Variants in SIRT5 observed in about 807,000 individuals in gnomAD.
SIRT5 encodes NAD-dependent protein deacylase sirtuin-5, mitochondrial.
In SIRT5, 26 loss-of-function variants were observed where a neutral mutation model predicts 40.0. That is an observed-to-expected ratio of 0.65 (90% CI 0.48 to 0.90). The LOEUF (loss-of-function observed/expected upper bound fraction) is 0.90, where lower values mean the gene tolerates loss of function less well. Ranked by LOEUF, SIRT5 falls within the 40% of genes least tolerant of loss-of-function variation. The pLI is 0.00. For missense variants in SIRT5, 401 were observed against 402.4 expected (o/e 1.00, Z 0.03); for synonymous variants, 146 against 149.1 (o/e 0.98, Z 0.15).
At position 13,611,970 on chromosome 6, in the gene SIRT5, T is replaced by C; in HGVS notation, c.*105T>C. The C allele has an allele frequency of 9.5e-7, 1 of 1,051,106 alleles. No homozygotes were observed. The highest frequency in any genetic ancestry group is 2.4e-5 in the East Asian group (1 of 41,006). 65.1% of individuals were successfully genotyped at this position (1,051,106 alleles called of 1,614,324 possible). On this transcript the variant is annotated 3_prime_UTR_variant, in exon 10 of 10. Coordinates refer to ENST00000606117, the MANE Select transcript of SIRT5 (RefSeq NM_012241.5). ...AGCTGAGTACTGAACAATCTAAAAATAGCCTCTGATTCCCTCGCTGGAATC... is the reference window on the plus strand; with the variant it reads ...AGCTGAGTACTGAACAATCTAAAAACAGCCTCTGATTCCCTCGCTGGAATC...
intron 3 of SIRT5, among the ~76,000 whole-genome samples, chr6:13,585,797 A>G (rs1404721743): frequency 6.6e-6 from 1 of 152,202 alleles, no homozygotes; most frequent in Non-Finnish European, 1.5e-5. Flanking sequence ...TTCTAGTTCT[A>G]GATCCTTGGG....
At chr6:13,611,168 T>C (rs2127743907) in intron 9 of SIRT5, among the ~76,000 whole-genome samples, 1 of 147,542 alleles carries the variant, frequency 6.8e-6, no homozygotes, top group East Asian at 2.0e-4. Flanking sequence ...TTCTCAGTAC[T>C]ACCTGTGAAT....
chr6:13,602,952 G>A (rs1486536984), intron 9 of SIRT5, among the ~76,000 whole-genome samples: 2 of 152,172 alleles, frequency 1.3e-5, no homozygotes, highest in Non-Finnish European at 2.9e-5. Flanking sequence ...TAAAACTTCT[G>A]TATTCCAATG....
At chr6:13,605,388 C>A in intron 9 of SIRT5, 1 of 985,170 alleles carries the variant, frequency 1.0e-6, no homozygotes. Flanking sequence ...GTTTTCTAAC[C>A]CCTGCTCTAG....
At chr6:13,578,980 G>C (rs1046824141) in intron 1 of SIRT5, among the ~76,000 whole-genome samples, 2 of 152,068 alleles carry the variant, frequency 1.3e-5, no homozygotes, top group East Asian at 3.9e-4. Flanking sequence ...TTCCCACCTG[G>C]AAGATAAAAT....
At chr6:13,583,387 G>A (rs1759630792) in intron 2 of SIRT5, among the ~76,000 whole-genome samples, 1 of 145,350 alleles carries the variant, frequency 6.9e-6, no homozygotes, top group Non-Finnish European at 1.5e-5. Context: ...CTCTGCCTCC[G>A]GGGTTCAAGT....
In SIRT5 at chr6:13,582,414, A is replaced by G. The variant is rs537750421; in HGVS notation, c.-35-1662A>G. On this transcript the variant is annotated intron_variant, in intron 2 of 9. Coordinates refer to ENST00000606117, the MANE Select transcript of SIRT5 (RefSeq NM_012241.5). ...CATTATTAAGGGTACAGTTCAGTCT[A>G]TTCGCATTGTTGTGTAGCTAATCCC... Among the ~76,000 whole-genome samples, 11 of 152,298 alleles carry G rather than the reference A, an allele frequency of 7.2e-5. No individual in the cohort carries two copies. In the East Asian group the frequency reaches 1.2e-3, roughly 16 times the overall value.
rs1764090479 is a variant in SIRT5 at position 13,613,236 on chromosome 6, A to G, written c.*1371A>G. The G allele has an allele frequency of 6.6e-6, 1 of 152,284 alleles. No homozygotes were observed. Among genetic ancestry groups the G allele is most frequent in the Admixed American group, 6.5e-5 (1 of 15,286 alleles). The allele number at this position is 152,284 out of a possible 1,614,324, so 9.4% of individuals were successfully genotyped here. A position where few individuals can be genotyped will look rare whatever the true frequency, so the allele number is the denominator to read the frequency against. On this transcript the variant is annotated 3_prime_UTR_variant, in exon 10 of 10. Transcript: ENST00000606117. ...GTTATTGCTGTCAGATGCATCTGCCATACAGGGTCATTCTCAGGGGATGCT... is the reference window on the plus strand; with the variant it reads ...GTTATTGCTGTCAGATGCATCTGCCGTACAGGGTCATTCTCAGGGGATGCT...
At chr6:13,584,356 C>G (rs1475744283) in intron 3 of SIRT5, 131 bp downstream of exon 3, 1 of 675,008 alleles carries the variant, frequency 1.5e-6, no homozygotes, top group Non-Finnish European at 2.6e-6. Context: ...CTGTCATCTT[C>G]TCTTTTTTTT....
chr6:13,579,125 C>T (rs1357169819), intron 1 of SIRT5, among the ~76,000 whole-genome samples: 1 of 152,176 alleles, frequency 6.6e-6, no homozygotes. Context: ...AAACTAGAAC[C>T]ACTGCCTGCC....
intron 9 of SIRT5, among the ~76,000 whole-genome samples, chr6:13,603,218 A>G (rs1477686783): frequency 6.7e-6 from 1 of 148,268 alleles, no homozygotes; most frequent in African/African-American, 2.5e-5. Flanking sequence ...TGGAGCTTGC[A>G]GTGAGCCGAG....
chr6:13,589,905 A>G (rs1342191597), intron 4 of SIRT5, among the ~76,000 whole-genome samples: 1 of 152,002 alleles, frequency 6.6e-6, no homozygotes, highest in African/African-American at 2.4e-5. Context: ...TGACTCCAAC[A>G]CCCTTCCAGG....
intron 9 of SIRT5, among the ~76,000 whole-genome samples, chr6:13,606,977 T>G (rs940758851): frequency 1.3e-5 from 2 of 151,150 alleles, no homozygotes; most frequent in Non-Finnish European, 2.9e-5. Flanking sequence ...CCAACACACT[T>G]GGCCTGCTTT....
chr6:13,580,227 G>A (rs573591108), intron 2 of SIRT5, among the ~76,000 whole-genome samples: 1 of 152,176 alleles, frequency 6.6e-6, no homozygotes, highest in Non-Finnish European at 1.5e-5. Flanking sequence ...CTCTTTTTGA[G>A]TGTCAATCTT....
rs114518963 is a variant in SIRT5, at chr6:13,612,936, G to C, written c.*1071G>C. The stretch of plus-strand genomic sequence containing the variant: ...GTTCCCAGATGCTGAACTCTGCTGG[G>C]AGTTTTTTCCATGGGACTTTAAAAA... On this transcript the variant is annotated 3_prime_UTR_variant, in exon 10 of 10. Transcript: ENST00000606117. 689 of 152,296 alleles carry C rather than the reference G, an allele frequency of 4.5e-3. 5 individuals carry two copies. Among genetic ancestry groups the C allele is most frequent in the African/African-American group, 0.016 (644 of 41,534 alleles). 9.4% of individuals were successfully genotyped at this position (152,296 alleles called of 1,614,324 possible).
intron 5 of SIRT5, among the ~76,000 whole-genome samples, chr6:13,592,443 C>T (rs1014381436): frequency 2.0e-5 from 3 of 152,192 alleles, no homozygotes; most frequent in Non-Finnish European, 4.4e-5. Flanking sequence ...CCTGTCACTC[C>T]CCCTTCATCC....
chr6:13,589,012 G>T (rs537681860), intron 4 of SIRT5: 3 of 152,862 alleles, frequency 2.0e-5, no homozygotes, highest in African/African-American at 7.2e-5. Flanking sequence ...GGACATAGTT[G>T]TATAGCCAGC....
intron 7 of SIRT5, among the ~76,000 whole-genome samples, chr6:13,597,569 G>A (rs960574142): frequency 6.6e-6 from 1 of 150,456 alleles, no homozygotes; most frequent in South Asian, 2.1e-4. Flanking sequence ...TTTTTGAGAT[G>A]GAATCTCACT....
At chr6:13,588,242 C>G in intron 3 of SIRT5, 89 bp from the exon 4 acceptor site, 1 of 1,464,190 alleles carries the variant, frequency 6.8e-7, no homozygotes, top group Non-Finnish European at 9.3e-7. Flanking sequence ...TAACTTCACA[C>G]TAGGTCAAGT....
Sources: gnomAD v4.1 joint callset for allele counts (sites outside exome capture counted in the v4.1 genomes callset) on GRCh38, gnomAD v4.1.1 for gene constraint, MANE v1.5 for transcripts, NCBI Gene and HGNC (gene_info 2026-07-23, HGNC 2026-07-21) for gene names.